PAQR3: variants seen among roughly 807,000 people sequenced by gnomAD.
PAQR3 encodes Raf kinase trapping to Golgi.
PAQR3 carries 39 observed loss-of-function variants against 41.7 expected under a neutral mutation model. That is an observed-to-expected ratio of 0.93 (90% confidence interval 0.72 to 1.22). PAQR3 has a LOEUF of 1.22. Among genes scored for constraint, PAQR3 ranks in the 50% most tolerant of loss-of-function variants. The pLI, the probability that PAQR3 is intolerant of heterozygous loss-of-function variation, is 0.00. For synonymous variants in PAQR3, 140 were observed against 140.6 expected (o/e 1.00, Z 0.03); for missense variants, 366 against 385.6 (o/e 0.95, Z 0.42).
At chr4:78,893,365 C>A (rs1406857183) in intron 11 of PAQR3, among the ~76,000 whole-genome samples, 2 of 152,190 alleles carry the variant, frequency 1.3e-5, no homozygotes, top group Non-Finnish European at 2.9e-5. Flanking sequence ...ATCTTAAACC[C>A]TTCAAAATCA....
At chr4:78,893,237 C>CATCA (rs1489497878) in intron 11 of PAQR3, among the ~76,000 whole-genome samples, 2 of 152,212 alleles carry the variant, frequency 1.3e-5, no homozygotes, top group Non-Finnish European at 2.9e-5. Flanking sequence ...CAAGCATAAG[C>CATCA]AACTCCTCAT....
Position 78,918,888 on chromosome 4 carries a change from A to G in PAQR3, c.*1651T>C, listed in dbSNP as rs1004845780. The G allele has an allele frequency of 4.9e-5, 48 of 984,598 alleles. No homozygotes were observed. The highest frequency in any genetic ancestry group is 5.4e-5 in the Non-Finnish European group (45 of 829,416). The allele number at this position is 984,598 out of a possible 1,614,324, so 61.0% of individuals were successfully genotyped here. A position where few individuals can be genotyped will look rare whatever the true frequency, so the allele number is the denominator to read the frequency against. On this transcript the variant is annotated 3_prime_UTR_variant, in exon 6 of 6. Transcript: ENST00000512733. Reference sequence around the variant, plus strand: ...TGTTCTAGGAGAAATATATCCTACTACTGTTGCACCAAAATCTTCTATCAC... The same window carrying G: ...TGTTCTAGGAGAAATATATCCTACTGCTGTTGCACCAAAATCTTCTATCAC...
chr4:78,920,059 TC>T lies in PAQR3; in HGVS notation c.*479del, dbSNP rs1735501982. ...CAAATCATTTTAGTGATTATTTAAA[TC>T]TAGTGATTTTAGTGATTATTTAAAA... On this transcript the variant is annotated 3_prime_UTR_variant, in exon 6 of 6. Transcript: ENST00000512733. The T allele has an allele frequency of 1.0e-6, 1 of 984,788 alleles. No individual in the cohort carries two copies. The highest frequency in any genetic ancestry group is 1.2e-6 in the Non-Finnish European group (1 of 829,158). 61.0% of individuals were successfully genotyped at this position (984,788 alleles called of 1,614,324 possible).
chr4:78,919,398 G>A lies in PAQR3; in HGVS notation c.*1141C>T. The A allele has an allele frequency of 4.1e-6, 4 of 984,360 alleles. No homozygotes were observed. Among genetic ancestry groups the A allele is most frequent in the Non-Finnish European group, 4.8e-6 (4 of 829,078 alleles). 61.0% of individuals were successfully genotyped at this position (984,360 alleles called of 1,614,324 possible). A position where few individuals can be genotyped will look rare whatever the true frequency, so the allele number is the denominator to read the frequency against. Reference sequence around the variant, plus strand: ...TAAGAGGGCTACAATGTATGATAGGGCAGTGAGTTCTATTTTTTAAGTATA... The same window carrying A: ...TAAGAGGGCTACAATGTATGATAGGACAGTGAGTTCTATTTTTTAAGTATA... On this transcript the variant is annotated 3_prime_UTR_variant, in exon 6 of 6. Coordinates refer to ENST00000512733, the MANE Select transcript of PAQR3 (RefSeq NM_001040202.2).
At chr4:78,938,054 A>G (rs1737615361) in intron 1 of PAQR3, among the ~76,000 whole-genome samples, 1 of 152,220 alleles carries the variant, frequency 6.6e-6, no homozygotes, top group African/African-American at 2.4e-5. Flanking sequence ...GAGTCACAGA[A>G]ACACTTTCAT....
At chr4:78,887,664 T>C (rs1392191469) in intron 12 of PAQR3, among the ~76,000 whole-genome samples, 1 of 152,220 alleles carries the variant, frequency 6.6e-6, no homozygotes, top group African/African-American at 2.4e-5. Flanking sequence ...ATTTTGTATT[T>C]GTCACAATCA....
chr4:78,919,311 T>C lies in PAQR3; in HGVS notation c.*1228A>G. ...TAATATTTTATACTCCAATAAACAA[T>C]GTAAGTTTTTATGAATGTCTACTTT... is the stretch of plus-strand genomic sequence containing the variant. On this transcript the variant is annotated 3_prime_UTR_variant, in exon 6 of 6. Coordinates refer to ENST00000512733, the MANE Select transcript of PAQR3 (RefSeq NM_001040202.2). 1.0e-6 allele frequency: 1 copy of C among 983,958 alleles called. No individual in the cohort carries two copies. Among genetic ancestry groups the C allele is most frequent in the Non-Finnish European group, 1.2e-6 (1 of 828,712 alleles). 61.0% of individuals were successfully genotyped at this position (983,958 alleles called of 1,614,324 possible).
chr4:78,902,752 G>C (rs976898792), intron 11 of PAQR3, among the ~76,000 whole-genome samples: 2 of 152,006 alleles, frequency 1.3e-5, no homozygotes, highest in African/African-American at 2.4e-5. Flanking sequence ...CCTCTAAAAG[G>C]AAAAGAGGGA....
At chr4:78,922,853 T>C in intron 5 of PAQR3, 1 of 451,270 alleles carries the variant, frequency 2.2e-6, no homozygotes, top group South Asian at 1.6e-5. Context: ...TAGAAAGTGG[T>C]TGATGTGGGT....
intron 2 of PAQR3, among the ~76,000 whole-genome samples, chr4:78,934,049 T>C (rs1469293902): frequency 6.6e-6 from 1 of 152,230 alleles, no homozygotes; most frequent in Non-Finnish European, 1.5e-5. Context: ...TTTCAAGGGA[T>C]ATTTTGGCTG....
At position 78,939,139 on chromosome 4, in the gene PAQR3, C is replaced by G; in HGVS notation, c.86G>C (p.Arg29Pro). ...YWPVLVPRGI[R>P]LYTYEQIPGS... ...GGGGATCTGCTCGTAGGTGTACAGGCGGATGCCACGGGGCACCAGGACCGG... is the reference window on the plus strand; with the variant it reads ...GGGGATCTGCTCGTAGGTGTACAGGGGGATGCCACGGGGCACCAGGACCGG... The change falls in exon 1 of 6, where the codon CGC becomes CCC. Residue 29 changes from arginine (R) to proline (P), a missense_variant. Arg to Pro is a moderately radical substitution (Grantham distance 103). Coordinates refer to ENST00000512733, the MANE Select transcript of PAQR3 (RefSeq NM_001040202.2). The G allele has an allele frequency of 1.2e-6, 2 of 1,613,720 alleles. No homozygotes were observed. The highest frequency in any genetic ancestry group is 1.7e-6 in the Non-Finnish European group (2 of 1,179,854).
chr4:78,931,080 T>C (rs1488064332), intron 2 of PAQR3, among the ~76,000 whole-genome samples: 1 of 149,694 alleles, frequency 6.7e-6, no homozygotes, highest in Non-Finnish European at 1.5e-5. Flanking sequence ...GGTGTAGTAG[T>C]GGCTCATGCC....
At chr4:78,930,149 A>C (rs766766824) in intron 3 of PAQR3, 21 bp downstream of exon 3, 4 of 1,585,328 alleles carry the variant, frequency 2.5e-6, no homozygotes, top group Non-Finnish European at 3.4e-6. Context: ...GGTCGAATGT[A>C]AAATGTTTTC....
rs1578050647 is a variant in PAQR3 at position 78,939,390 on chromosome 4, C to A, written c.-166G>T. Reference sequence around the variant, plus strand: ...GGGCCCGGCTCTGCGCTCACACCGGCCACTGCCGCCAGCGCCGCGGCGGAC... The same window carrying A: ...GGGCCCGGCTCTGCGCTCACACCGGACACTGCCGCCAGCGCCGCGGCGGAC... On this transcript the variant is annotated 5_prime_UTR_variant, in exon 1 of 6. Transcript: ENST00000512733. 1.2e-5 allele frequency: 5 copies of A among 416,568 alleles called. No homozygotes were observed. In the East Asian group the frequency reaches 2.1e-4, roughly 18 times the overall value. The allele number at this position is 416,568 out of a possible 1,614,324, so 25.8% of individuals were successfully genotyped here. A position where few individuals can be genotyped will look rare whatever the true frequency, so the allele number is the denominator to read the frequency against.
At chr4:78,926,473 T>C (rs201913349) in intron 4 of PAQR3, 48 bp downstream of exon 4, 47 of 1,504,572 alleles carry the variant, frequency 3.1e-5, no homozygotes, top group Non-Finnish European at 3.7e-5. Flanking sequence ...AGGAATAAAA[T>C]TGAAAGGAAA....
At chr4:78,894,344 C>A (rs1733591001) in intron 11 of PAQR3, among the ~76,000 whole-genome samples, 1 of 152,184 alleles carries the variant, frequency 6.6e-6, no homozygotes, top group Non-Finnish European at 1.5e-5. Flanking sequence ...TATTGAAAAT[C>A]TGTTGTTTAG....
At chr4:78,933,165 G>A (rs768815134) in intron 2 of PAQR3, 3 of 456,020 alleles carry the variant, frequency 6.6e-6, no homozygotes, top group Non-Finnish European at 8.8e-6. Context: ...GCACACCTAC[G>A]AGTGGCTTGA....
At chr4:78,901,103 C>T (rs965362738) in intron 11 of PAQR3, among the ~76,000 whole-genome samples, 3 of 152,096 alleles carry the variant, frequency 2.0e-5, no homozygotes, top group Non-Finnish European at 4.4e-5. Context: ...AGTGCAGTGG[C>T]GTGATCATAG....
Position 78,939,284 on chromosome 4 carries a change from G to T in PAQR3, c.-60C>A, listed in dbSNP as rs1737791483. 1 of 1,501,648 alleles carries T rather than the reference G, an allele frequency of 6.7e-7. No homozygotes were observed. The highest frequency in any genetic ancestry group is 8.9e-7 in the Non-Finnish European group (1 of 1,126,176). The allele number at this position is 1,501,648 out of a possible 1,614,324, so 93.0% of individuals were successfully genotyped here. A position where few individuals can be genotyped will look rare whatever the true frequency, so the allele number is the denominator to read the frequency against. On this transcript the variant is annotated 5_prime_UTR_variant, in exon 1 of 6. Coordinates refer to ENST00000512733, the MANE Select transcript of PAQR3 (RefSeq NM_001040202.2). ...CTCCCCCAGGTCCCGCCTCCCCGGG[G>T]AGGGGGCTTCGCCGCTGGCGCCCCC...
Sources: gnomAD v4.1 joint callset for allele counts (sites outside exome capture counted in the v4.1 genomes callset) on GRCh38, gnomAD v4.1.1 for gene constraint, MANE v1.5 for transcripts, NCBI Gene and HGNC (gene_info 2026-07-23, HGNC 2026-07-21) for gene names.